Variants in SLC9A3 observed in about 807,000 individuals in gnomAD.
SLC9A3 encodes sodium/hydrogen exchanger 3.
Under a neutral mutation model 86.8 loss-of-function variants are expected in SLC9A3, and 37 were observed. That is an observed-to-expected ratio of 0.43 (90% CI 0.33 to 0.56). SLC9A3 has a LOEUF of 0.56. Ranked by LOEUF, SLC9A3 falls within the 20% of genes least tolerant of loss-of-function variation. The pLI is 0.06. For missense variants in SLC9A3, 1,011 were observed against 1,171.9 expected (o/e 0.86, Z 2.00); for synonymous variants, 581 against 528.3 (o/e 1.10, Z -1.37).
chr5:489,332 G>A (rs1386035992), intron 2 of SLC9A3, among the ~76,000 whole-genome samples: 1 of 152,198 alleles, frequency 6.6e-6, no homozygotes, highest in African/African-American at 2.4e-5. Context: ...GGGAGGGGGA[G>A]GCCCCCGACG....
At chr5:493,376 A>C (rs1413328744) in intron 1 of SLC9A3, among the ~76,000 whole-genome samples, 1 of 152,254 alleles carries the variant, frequency 6.6e-6, no homozygotes, top group Non-Finnish European at 1.5e-5. Flanking sequence ...AGAATGTGTC[A>C]GCACAGCTGG....
chr5:488,225 G>A lies in SLC9A3; in HGVS notation c.675+91C>T, dbSNP rs565304084. ...GGGGAGTTTGAGGACAGGGTTTCAC[G>A]CCCTCCTTTGCTGACTGACCGATGG... is the stretch of plus-strand genomic sequence containing the variant. On this transcript the variant is annotated intron_variant, in intron 3 of 16. Coordinates refer to ENST00000264938, the MANE Select transcript of SLC9A3 (RefSeq NM_004174.4). The A allele has an allele frequency of 1.5e-4, 211 of 1,412,120 alleles. 2 individuals carry two copies. In the South Asian group the frequency reaches 2.3e-3, roughly 15 times the overall value. 87.5% of individuals were successfully genotyped at this position (1,412,120 alleles called of 1,614,324 possible). A position where few individuals can be genotyped will look rare whatever the true frequency, so the allele number is the denominator to read the frequency against.
At chr5:483,966 C>G (rs1284154694) in intron 5 of SLC9A3, among the ~76,000 whole-genome samples, 2 of 152,280 alleles carry the variant, frequency 1.3e-5, no homozygotes, top group Non-Finnish European at 2.9e-5. Flanking sequence ...ACTTCCTGTA[C>G]TTCCCCTCAC....
At chr5:492,444 C>CCTTGGG (rs1739820884) in intron 1 of SLC9A3, among the ~76,000 whole-genome samples, 1 of 74,254 alleles carries the variant, frequency 1.3e-5, no homozygotes, top group Non-Finnish European at 2.8e-5. Context: ...GAGGTCAGGG[C>CCTTGGG]AGAGCCCTCG....
At chr5:482,854 A>G in intron 6 of SLC9A3, 104 bp from the exon 7 acceptor site, 1 of 874,606 alleles carries the variant, frequency 1.1e-6, no homozygotes, top group South Asian at 1.7e-5. Flanking sequence ...GTGCTGACGA[A>G]GAACAGCGGC....
At chr5:507,222 G>A (rs1444345888) in intron 1 of SLC9A3, among the ~76,000 whole-genome samples, 3 of 94,016 alleles carry the variant, frequency 3.2e-5, no homozygotes, top group African/African-American at 4.6e-5. Flanking sequence ...AGGCTGGAGT[G>A]CGGTGGCGCG....
At position 497,729 on chromosome 5, in the gene SLC9A3, C is replaced by T. The variant is rs1048147467; in HGVS notation, c.212-5658G>A. Among the ~76,000 whole-genome samples the T allele has an allele frequency of 1.9e-4, 21 of 109,310 alleles. 2 individuals are homozygous for T. The highest frequency in any genetic ancestry group is 7.0e-4 in the African/African-American group (19 of 27,194). 71.7% of individuals were successfully genotyped at this position (109,310 alleles called of 152,430 possible). A position where few individuals can be genotyped will look rare whatever the true frequency, so the allele number is the denominator to read the frequency against. On this transcript the variant is annotated intron_variant, in intron 1 of 16. Transcript: ENST00000264938. The surrounding 1 kb of genome is among the most constrained non-coding windows in gnomAD (Gnocchi z 5.4). ...TGCCCCTGTCCTGGGTGGGGTCGCC[C>T]GGCCGCATCCCCAGCCTCTGCCCCT...
chr5:514,872 C>A (rs543638383), intron 1 of SLC9A3, among the ~76,000 whole-genome samples: 1 of 152,204 alleles, frequency 6.6e-6, no homozygotes, highest in Non-Finnish European at 1.5e-5. Flanking sequence ...GCTGCCAGTG[C>A]GTCCCTGGCT....
At chr5:519,914 C>T (rs139452474) in intron 1 of SLC9A3, among the ~76,000 whole-genome samples, 2,096 of 152,324 alleles carry the variant, frequency 0.014, 20 homozygotes, top group Middle Eastern at 0.027. Context: ...CCTACGGCTG[C>T]GCGAGGCACT....
At chr5:506,575 C>T (rs76443159) in intron 1 of SLC9A3, among the ~76,000 whole-genome samples, 2,881 of 152,276 alleles carry the variant, frequency 0.019, 91 homozygotes, top group African/African-American at 0.063. Context: ...ACCTTCTGGG[C>T]GCTGCTCCCA....
At chr5:478,113 G>A (rs1229544825) in intron 10 of SLC9A3, 1 of 152,284 alleles carries the variant, frequency 6.6e-6, no homozygotes, top group African/African-American at 2.4e-5. Flanking sequence ...CGCCTTCAGT[G>A]TGCAGGATGC....
chr5:500,144 C>A (rs977692151), intron 1 of SLC9A3, among the ~76,000 whole-genome samples: 1 of 152,254 alleles, frequency 6.6e-6, no homozygotes, highest in South Asian at 2.1e-4. Flanking sequence ...GTGTCTGAGG[C>A]CTTAAGGAAA....
intron 1 of SLC9A3, among the ~76,000 whole-genome samples, chr5:506,318 G>A (rs1040245498): frequency 6.6e-6 from 1 of 152,216 alleles, no homozygotes; most frequent in Non-Finnish European, 1.5e-5. Context: ...GGGGGCTGGA[G>A]ACGCGCGGAA....
At chr5:477,917 G>A (rs967989983) in intron 10 of SLC9A3, 3 of 155,620 alleles carry the variant, frequency 1.9e-5, no homozygotes, top group African/African-American at 4.8e-5. Flanking sequence ...GATGGAAGTG[G>A]GGCCGCCTAT....
intron 1 of SLC9A3, among the ~76,000 whole-genome samples, chr5:493,352 C>A (rs1408679865): frequency 6.6e-6 from 1 of 152,244 alleles, no homozygotes; most frequent in Non-Finnish European, 1.5e-5. Context: ...TCCCTCCACA[C>A]CACCCGCCCC....
At chr5:510,024 C>T (rs956553651) in intron 1 of SLC9A3, among the ~76,000 whole-genome samples, 1 of 152,192 alleles carries the variant, frequency 6.6e-6, no homozygotes, top group Non-Finnish European at 1.5e-5. Context: ...GGGGCTCCAA[C>T]GATGTGGAGG....
chr5:475,915 C>G (rs1017210036), intron 14 of SLC9A3, 105 bp downstream of exon 14: 49 of 1,034,266 alleles, frequency 4.7e-5, no homozygotes, highest in Non-Finnish European at 2.9e-5. Flanking sequence ...GCTGGAGGGT[C>G]CCCAGAGGGG....
intron 1 of SLC9A3, among the ~76,000 whole-genome samples, chr5:518,393 CCTGGCACTTGGAGAT>C (rs761979945): frequency 1.3e-5 from 2 of 151,790 alleles, no homozygotes; most frequent in Non-Finnish European, 2.9e-5. Flanking sequence ...CACCCTGAGG[CCTGGCACTTGGAGAT>C]CTGGCATCCT....
chr5:491,125 G>A lies in SLC9A3; in HGVS notation c.514+644C>T, dbSNP rs954234876. ...AGGGCGGCAGGTGCCGGAGGCCTGCGCTCAGCCGTGGGGCCCAGCTGGTCA... is the reference window on the plus strand; with the variant it reads ...AGGGCGGCAGGTGCCGGAGGCCTGCACTCAGCCGTGGGGCCCAGCTGGTCA... On this transcript the variant is annotated intron_variant, in intron 2 of 16. Coordinates refer to ENST00000264938, the MANE Select transcript of SLC9A3 (RefSeq NM_004174.4). This position sits in a 1 kb window ranked among gnomAD's most constrained non-coding sequence, Gnocchi z 9.2. Among the ~76,000 whole-genome samples the A allele has an allele frequency of 3.3e-5, 5 of 152,180 alleles. No homozygotes were observed. The highest frequency in any genetic ancestry group is 2.1e-4 in the South Asian group (1 of 4,834).
Sources: allele counts gnomAD v4.1 joint callset (sites outside exome capture counted in the v4.1 genomes callset), GRCh38; gene constraint gnomAD v4.1.1; non-coding constraint Gnocchi (gnomAD v3.1); transcripts MANE v1.5; gene names NCBI Gene and HGNC (gene_info 2026-07-23, HGNC 2026-07-21).